DENND4A: variants seen among roughly 807,000 people sequenced by gnomAD.
DENND4A encodes C-myc promoter-binding protein.
DENND4A carries 70 observed loss-of-function variants against 199.3 expected under a neutral mutation model. The ratio of observed to expected loss-of-function variants is 0.35; its 90% CI spans 0.29 to 0.43. The LOEUF (loss-of-function observed/expected upper bound fraction) is 0.43. Among genes scored for constraint, DENND4A ranks in the 20% least tolerant of loss-of-function variants. The probability of loss-of-function intolerance (pLI) is 1.00; values close to 1 mark genes in which losing one functional copy is unlikely to be tolerated. For synonymous variants in DENND4A, 686 were observed against 766.9 expected, an observed-to-expected ratio of 0.89 and a Z score of 1.74; for missense variants, 1,723 against 2,255.8, an observed-to-expected ratio of 0.76 and a Z score of 4.78.
At chr15:65,672,009 C>G (rs2076233555) in intron 24 of DENND4A, 123 bp from the exon 25 acceptor site, 1 of 657,140 alleles carries the variant, frequency 1.5e-6, no homozygotes. Flanking sequence ...AATATTAAAA[C>G]TAATTAGGAA....
At chr15:65,695,170 C>A (rs138702612) in intron 22 of DENND4A, among the ~76,000 whole-genome samples, 2 of 151,612 alleles carry the variant, frequency 1.3e-5, no homozygotes, top group Non-Finnish European at 3.0e-5. Flanking sequence ...ATCTAACTTT[C>A]TTTTGTCTGT....
chr15:65,784,650 G>A (rs2077520066), intron 1 of DENND4A, among the ~76,000 whole-genome samples: 1 of 152,076 alleles, frequency 6.6e-6, no homozygotes, highest in Admixed American at 6.5e-5. Context: ...CAGAAATACA[G>A]GTAGTATTGT....
intron 15 of DENND4A, among the ~76,000 whole-genome samples, chr15:65,705,637 C>T (rs999205986): frequency 5.3e-5 from 8 of 151,990 alleles, no homozygotes; most frequent in African/African-American, 9.7e-5. Context: ...AAATTAGTAA[C>T]TTAAAAAATT....
At chr15:65,760,607 G>C (rs1230357981) in intron 2 of DENND4A, among the ~76,000 whole-genome samples, 3 of 152,094 alleles carry the variant, frequency 2.0e-5, no homozygotes, top group Non-Finnish European at 4.4e-5. Flanking sequence ...AAGGGTAAGA[G>C]GCCGGGCAGA....
rs545646953 is a variant in DENND4A at position 65,777,231 on chromosome 15, C to T, written c.-102+14779G>A. Reference sequence around the variant, plus strand: ...TATAAATTTCCAGTTCCTGGTTTCCCTTCCCCTTCATGAGTCTTGGCTGTA... The same window carrying T: ...TATAAATTTCCAGTTCCTGGTTTCCTTTCCCCTTCATGAGTCTTGGCTGTA... On this transcript the variant is annotated intron_variant, in intron 1 of 32. Coordinates refer to ENST00000443035, the MANE Select transcript of DENND4A (RefSeq NM_001320835.1). Among the ~76,000 whole-genome samples the T allele has an allele frequency of 5.2e-3, 792 of 152,260 alleles. 6 individuals carry two copies. The highest frequency in any genetic ancestry group is 0.02 in the Middle Eastern group (6 of 294).
At chr15:65,663,198 A>ATTT (rs139708249) in intron 32 of DENND4A, among the ~76,000 whole-genome samples, 74 of 112,324 alleles carry the variant, frequency 6.6e-4, no homozygotes, top group African/African-American at 1.7e-3. Context: ...ATATATATAT[A>ATTT]TTTTTTTTTT....
intron 27 of DENND4A, among the ~76,000 whole-genome samples, chr15:65,668,460 C>T (rs1306799525): frequency 6.6e-6 from 1 of 152,058 alleles, no homozygotes; most frequent in Non-Finnish European, 1.5e-5. Flanking sequence ...CTGCCCACCT[C>T]GGCCTCCCAA....
At position 65,661,750 on chromosome 15, in the gene DENND4A, G is replaced by T; in HGVS notation, c.*101C>A. ...GAGTCTTTTGAACCATTTACAAATT[G>T]TATTTTCAAAAATTGAAGAAAAAAT... On this transcript the variant is annotated 3_prime_UTR_variant, in exon 33 of 33. Transcript: ENST00000443035. 2 of 1,052,704 alleles carry T rather than the reference G, an allele frequency of 1.9e-6. No homozygotes were observed. Among genetic ancestry groups the T allele is most frequent in the Non-Finnish European group, 1.3e-6 (1 of 757,040 alleles). The allele number at this position is 1,052,704 out of a possible 1,614,324, so 65.2% of individuals were successfully genotyped here. A position where few individuals can be genotyped will look rare whatever the true frequency, so the allele number is the denominator to read the frequency against.
intron 1 of DENND4A, among the ~76,000 whole-genome samples, chr15:65,781,562 G>A (rs543513409): frequency 1.1e-4 from 17 of 152,224 alleles, no homozygotes; most frequent in African/African-American, 4.1e-4. Flanking sequence ...GAGAGAGAGA[G>A]GGAGATGGAA....
chr15:65,746,501 C>G (rs979754985), intron 4 of DENND4A, among the ~76,000 whole-genome samples: 1 of 149,068 alleles, frequency 6.7e-6, no homozygotes, highest in African/African-American at 2.5e-5. Flanking sequence ...ATTCTCCTGC[C>G]TCAGCCTCCC....
At chr15:65,750,081 T>C (rs2076521131) in intron 4 of DENND4A, among the ~76,000 whole-genome samples, 1 of 151,932 alleles carries the variant, frequency 6.6e-6, no homozygotes. Flanking sequence ...TTAAATAAAC[T>C]GATAACGATA....
At chr15:65,722,040 A>G (rs2075662803) in intron 12 of DENND4A, among the ~76,000 whole-genome samples, 1 of 152,238 alleles carries the variant, frequency 6.6e-6, no homozygotes. Context: ...ATAGGCACAC[A>G]GAAAAATAAA....
intron 1 of DENND4A, among the ~76,000 whole-genome samples, chr15:65,764,971 C>CAA (rs1567090727): frequency 4.5e-5 from 4 of 89,116 alleles, no homozygotes; most frequent in Admixed American, 1.1e-4. Context: ...GACCCTGTCT[C>CAA]CAAAAAAAAA....
chr15:65,716,355 AT>A, intron 13 of DENND4A, among the ~76,000 whole-genome samples: 1 of 149,214 alleles, frequency 6.7e-6, no homozygotes, highest in Non-Finnish European at 1.5e-5. Context: ...TTAACTCATC[AT>A]TTAACATTAG....
intron 14 of DENND4A, among the ~76,000 whole-genome samples, chr15:65,710,368 T>C (rs980509921): frequency 6.6e-5 from 10 of 152,220 alleles, no homozygotes; most frequent in African/African-American, 2.2e-4. Context: ...TTAATAAATT[T>C]ATTGGCTAAA....
intron 22 of DENND4A, among the ~76,000 whole-genome samples, chr15:65,691,973 T>C (rs2076985773): frequency 6.7e-6 from 1 of 150,026 alleles, no homozygotes; most frequent in Non-Finnish European, 1.5e-5. Flanking sequence ...TTTTTTTTTT[T>C]TTTTAATTTG....
chr15:65,770,073 A>G (rs897369727), intron 1 of DENND4A, among the ~76,000 whole-genome samples: 1 of 152,154 alleles, frequency 6.6e-6, no homozygotes, highest in Non-Finnish European at 1.5e-5. Context: ...GCTTTAAGTT[A>G]CTATTCTACC....
chr15:65,781,326 C>G (rs2077431269), intron 1 of DENND4A, among the ~76,000 whole-genome samples: 1 of 151,954 alleles, frequency 6.6e-6, no homozygotes, highest in Admixed American at 6.6e-5. Context: ...AATGGGGAGT[C>G]AGTAAAGAAT....
At chr15:65,680,956 G>A (rs546151437) in intron 23 of DENND4A, 21 of 152,344 alleles carry the variant, frequency 1.4e-4, no homozygotes, top group African/African-American at 4.8e-4. Context: ...GATGGCTGGT[G>A]ACTGAACAGA....
Sources: gnomAD v4.1 joint callset for allele counts (sites outside exome capture counted in the v4.1 genomes callset) on GRCh38, gnomAD v4.1.1 for gene constraint, MANE v1.5 for transcripts, NCBI Gene and HGNC (gene_info 2026-07-23, HGNC 2026-07-21) for gene names.